Variants in SIPA1L2 observed in about 807,000 individuals in gnomAD.
SIPA1L2 encodes signal-induced proliferation-associated 1-like protein 2.
In SIPA1L2, 56 loss-of-function variants were observed where a neutral mutation model predicts 163.9. The ratio of observed to expected loss-of-function variants is 0.34; its 90% CI spans 0.28 to 0.43. The LOEUF is 0.43. Among genes scored for constraint, SIPA1L2 ranks in the 20% least tolerant of loss-of-function variants. The probability of loss-of-function intolerance (pLI) is 1.00; values close to 1 mark genes in which losing one functional copy is unlikely to be tolerated. For synonymous variants in SIPA1L2, 877 were observed against 865.7 expected, an observed-to-expected ratio of 1.01 and a Z score of -0.23; for missense variants, 1,974 against 2,193.5, an observed-to-expected ratio of 0.90 and a Z score of 2.00.
rs55961523 is a variant in SIPA1L2 at position 232,424,322 on chromosome 1, C to CAAAAAA, written c.4630+1261_4630+1266dup. Among the ~76,000 whole-genome samples the CAAAAAA allele has an allele frequency of 8.4e-4, 60 of 71,770 alleles. 3 individuals are homozygous for CAAAAAA. Among genetic ancestry groups the CAAAAAA allele is most frequent in the East Asian group, 3.9e-3 (9 of 2,332 alleles). The allele number at this position is 71,770 out of a possible 152,430, so 47.1% of individuals were successfully genotyped here. On this transcript the variant is annotated intron_variant, in intron 18 of 22. Coordinates refer to ENST00000674635, the MANE Select transcript of SIPA1L2 (RefSeq NM_020808.5). Reference sequence around the variant, plus strand: ...TCTATTTTTTTTTAAGTGAAGCTAACAAAAAAAAAAAAAAAAAAAAAAAAA... The same window carrying CAAAAAA: ...TCTATTTTTTTTTAAGTGAAGCTAACAAAAAAAAAAAAAAAAAAAAAAAAAAAAAAA...
chr1:232,413,436 G>T (rs1233736555), intron 19 of SIPA1L2, among the ~76,000 whole-genome samples: 3 of 152,140 alleles, frequency 2.0e-5, no homozygotes, highest in African/African-American at 7.2e-5. Flanking sequence ...CAGTCATTCT[G>T]TTCTGAAGGA....
chr1:232,428,714 C>A, intron 16 of SIPA1L2, 150 bp from the exon 17 acceptor site: 1 of 464,818 alleles, frequency 2.2e-6, no homozygotes, highest in Non-Finnish European at 3.7e-6. Context: ...GCGTTTGCTC[C>A]AAATTCCCAT....
rs1481805038 is a variant in SIPA1L2 at position 232,482,732 on chromosome 1, T to A, written c.1981+1060A>T. 2.6e-5 allele frequency among the ~76,000 whole-genome samples: 4 copies of A among 152,110 alleles called. No individual in the cohort carries two copies. In the South Asian group the frequency reaches 8.3e-4, roughly 32 times the overall value. ...CATCCAGATGGAGTATCAGTGACAG[T>A]CCCAAGTTGAGCAGACTTGGGGACA... On this transcript the variant is annotated intron_variant, in intron 6 of 22. Coordinates refer to ENST00000674635, the MANE Select transcript of SIPA1L2 (RefSeq NM_020808.5).
chr1:232,511,164 TGA>T (rs1666961357), intron 3 of SIPA1L2, among the ~76,000 whole-genome samples: 2 of 152,152 alleles, frequency 1.3e-5, no homozygotes, highest in Non-Finnish European at 2.9e-5. Flanking sequence ...ATGAGGGTTA[TGA>T]GTTATTTTCA....
rs184516332 is a variant in SIPA1L2, at chr1:232,414,589, C to G, written c.4762+905G>C. Among the ~76,000 whole-genome samples the G allele has an allele frequency of 4.8e-3, 725 of 151,696 alleles. 4 individuals are homozygous for G. The highest frequency in any genetic ancestry group is 7.0e-3 in the Non-Finnish European group (473 of 67,986). ...AAGGCAGCAGTGGACTCGGGCGCCTCCAGGATGCTGTGACTCAGTTACACC... is the reference window on the plus strand; with the variant it reads ...AAGGCAGCAGTGGACTCGGGCGCCTGCAGGATGCTGTGACTCAGTTACACC... On this transcript the variant is annotated intron_variant, in intron 19 of 22. Transcript: ENST00000674635.
chr1:232,483,171 C>A (rs1665452245), intron 6 of SIPA1L2, among the ~76,000 whole-genome samples: 1 of 151,984 alleles, frequency 6.6e-6, no homozygotes, highest in East Asian at 1.9e-4. Context: ...ATTGGTCAGT[C>A]AATCCGCCAC....
intron 1 of SIPA1L2, among the ~76,000 whole-genome samples, chr1:232,625,021 T>C (rs1004983519): frequency 2.0e-5 from 3 of 152,226 alleles, no homozygotes; most frequent in African/African-American, 7.2e-5. Flanking sequence ...TAACACATTT[T>C]CTTAATCATA....
At chr1:232,488,234 TG>T (rs1428802567) in intron 5 of SIPA1L2, among the ~76,000 whole-genome samples, 2 of 152,310 alleles carry the variant, frequency 1.3e-5, no homozygotes, top group East Asian at 3.9e-4. Flanking sequence ...ATTACAGGCA[TG>T]AGCTACCGCG....
chr1:232,479,631 T>C lies in SIPA1L2; in HGVS notation c.2081A>G (p.Gln694Arg), dbSNP rs775975745. ...TCCAGGCTGGGGAGGACATACCTGTTGTCTGTTGTTGGGCATGTAGGGAAG... is the reference window on the plus strand; with the variant it reads ...TCCAGGCTGGGGAGGACATACCTGTCGTCTGTTGTTGGGCATGTAGGGAAG... ...TLLPYMPNNR[Q>R]QLLRKRHIGN... Residue 694 changes from glutamine to arginine, a missense_variant, in exon 7 of 23, where the codon CAA becomes CGA. Around this residue, in one of 3 missense-constraint regions of SIPA1L2, gnomAD observed 288 missense variants for 418.9 expected, o/e 0.69. Transcript: ENST00000674635. 6.2e-7 allele frequency: 1 copy of C among 1,612,878 alleles called. No homozygotes were observed. Among genetic ancestry groups the C allele is most frequent in the African/African-American group, 1.3e-5 (1 of 74,842 alleles).
chr1:232,494,747 G>C (rs1002534130), intron 3 of SIPA1L2, among the ~76,000 whole-genome samples: 2 of 152,152 alleles, frequency 1.3e-5, no homozygotes, highest in Non-Finnish European at 2.9e-5. Flanking sequence ...TTACCCAAAT[G>C]CTTATTAATG....
chr1:232,403,866 A>G (rs1660490223), intron 20 of SIPA1L2, among the ~76,000 whole-genome samples: 1 of 152,204 alleles, frequency 6.6e-6, no homozygotes, highest in Non-Finnish European at 1.5e-5. Flanking sequence ...TCCACATCCC[A>G]AGAAATGCCA....
At chr1:232,560,355 CA>C (rs1053241299) in intron 2 of SIPA1L2, among the ~76,000 whole-genome samples, 41 of 152,156 alleles carry the variant, frequency 2.7e-4, no homozygotes, top group African/African-American at 9.9e-4. Context: ...TAATATCACC[CA>C]AAAGAAGCTG....
In SIPA1L2 at chr1:232,468,105, C is replaced by A. The variant is rs567377045; in HGVS notation, c.2244-2689G>T. On this transcript the variant is annotated intron_variant, in intron 8 of 22. Coordinates refer to ENST00000674635, the MANE Select transcript of SIPA1L2 (RefSeq NM_020808.5). Reference sequence around the variant, plus strand: ...TCTGGGTATGGGAATCAATTAGAGACCCTTGGTTACAAAAGCTCATAGGAT... The same window carrying A: ...TCTGGGTATGGGAATCAATTAGAGAACCTTGGTTACAAAAGCTCATAGGAT... Among the ~76,000 whole-genome samples the A allele has an allele frequency of 7.2e-5, 11 of 152,278 alleles. No individual in the cohort carries two copies. The East Asian group carries it at 1.9e-3, about 27-fold the overall frequency.
At position 232,432,395 on chromosome 1, in the gene SIPA1L2, T is replaced by C. The variant is rs753172337; in HGVS notation, c.4108A>G (p.Ile1370Val). The part of the protein sequence containing the change: ...SGSLDSSKVY[I>V]VSHSSGQQVP... Reference sequence around the variant, plus strand: ...TGTTGTCCGCTGCTGTGAGACACGATGTAGACTTTGGATGAATCCAGAGAC... The same window carrying C: ...TGTTGTCCGCTGCTGTGAGACACGACGTAGACTTTGGATGAATCCAGAGAC... The change falls in exon 16 of 23, where the codon ATC becomes GTC. Residue 1370 changes from isoleucine (I) to valine (V), a missense_variant. Around this residue, in one of 3 missense-constraint regions of SIPA1L2, gnomAD observed 1,079 missense variants for 1,150.7 expected, o/e 0.94. Coordinates refer to ENST00000674635, the MANE Select transcript of SIPA1L2 (RefSeq NM_020808.5). The C allele has an allele frequency of 5.6e-6, 9 of 1,614,128 alleles. No homozygotes were observed. Among genetic ancestry groups the C allele is most frequent in the African/African-American group, 2.7e-5 (2 of 74,936 alleles).
chr1:232,626,343 C>T (rs1573195452), intron 1 of SIPA1L2, among the ~76,000 whole-genome samples: 1 of 150,908 alleles, frequency 6.6e-6, no homozygotes, highest in East Asian at 2.0e-4. Flanking sequence ...CAACTAGACT[C>T]GACTTGCTGC....
At chr1:232,402,546 C>T (rs764129518) in intron 21 of SIPA1L2, 73 bp from the exon 22 acceptor site, 72 of 1,316,218 alleles carry the variant, frequency 5.5e-5, no homozygotes, top group Non-Finnish European at 7.2e-5. Flanking sequence ...AGTTTTCACT[C>T]GAAAAAATTA....
At position 232,427,083 on chromosome 1, in the gene SIPA1L2, AGGT is replaced by A. The variant is rs544885576; in HGVS notation, c.4411-1278_4411-1276del. ...AAGTTAAATTTACATCATGAAAAGAAGGTGATTTGTCTTAGAAGAAAAAACACA... is the reference window on the plus strand; with the variant it reads ...AAGTTAAATTTACATCATGAAAAGAAGATTTGTCTTAGAAGAAAAAACACA... On this transcript the variant is annotated intron_variant, in intron 17 of 22. Transcript: ENST00000674635. Among the ~76,000 whole-genome samples, 8 of 152,374 alleles carry A rather than the reference AGGT, an allele frequency of 5.3e-5. No homozygotes were observed. In the South Asian group the frequency reaches 1.4e-3, roughly 28 times the overall value.
intron 22 of SIPA1L2, among the ~76,000 whole-genome samples, chr1:232,400,829 C>T (rs184940513): frequency 9.7e-4 from 148 of 152,256 alleles, no homozygotes; most frequent in African/African-American, 3.5e-3. Context: ...CCCATGACCA[C>T]ATCCTATACC....
chr1:232,505,986 C>A (rs1474825008), intron 3 of SIPA1L2, among the ~76,000 whole-genome samples: 2 of 152,138 alleles, frequency 1.3e-5, no homozygotes, highest in South Asian at 4.1e-4. Flanking sequence ...GCAAATGCAG[C>A]CATGCATCAC....
Sources: allele counts gnomAD v4.1 joint callset (sites outside exome capture counted in the v4.1 genomes callset), GRCh38; gene constraint gnomAD v4.1.1; regional missense constraint gnomAD v4.1.1; transcripts MANE v1.5; gene names NCBI Gene and HGNC (gene_info 2026-07-23, HGNC 2026-07-21).